The following UTP25 variants were observed in gnomAD, a reference collection of about 807,000 sequenced individuals.
The protein encoded by UTP25 is U3 small nucleolar RNA-associated protein 25 homolog.
UTP25 carries 50 observed loss-of-function variants against 78.9 expected under a neutral mutation model. That is an observed-to-expected ratio of 0.63 (90% CI 0.50 to 0.80). The LOEUF is 0.80. Among genes scored for constraint, UTP25 ranks in the 30% least tolerant of loss-of-function variants. The pLI, the probability that UTP25 is intolerant of heterozygous loss-of-function variation, is 0.00. For missense variants in UTP25, 846 were observed against 911.3 expected (o/e 0.93, Z 0.92); for synonymous variants, 329 against 336.5 (o/e 0.98, Z 0.24).
chr1:209,841,190 A>C, intron 8 of UTP25, 135 bp downstream of exon 8: 1 of 884,424 alleles, frequency 1.1e-6, no homozygotes, highest in East Asian at 2.6e-5. Context: ...CACACTCCAC[A>C]TTTTCTAATT....
In UTP25 at chr1:209,828,401, A is replaced by ATTT. The variant is rs71571917; in HGVS notation, c.107+245_107+247dup. 2.2e-3 allele frequency among the ~76,000 whole-genome samples: 305 copies of ATTT among 136,396 alleles called. 20 individuals are homozygous for ATTT. The highest frequency in any genetic ancestry group is 2.4e-3 in the Non-Finnish European group (156 of 64,552). The allele number at this position is 136,396 out of a possible 152,430, so 89.5% of individuals were successfully genotyped here. ...AGGCACGCCCGTTGTGTGGGGGAGG[A>ATTT]TTTTTTTTTTTTTTTTAAGACGGTG... On this transcript the variant is annotated intron_variant, in intron 1 of 11. Transcript: ENST00000491415.
intron 7 of UTP25, among the ~76,000 whole-genome samples, chr1:209,839,348 A>G (rs1195878700): frequency 6.6e-6 from 1 of 152,194 alleles, no homozygotes; most frequent in Non-Finnish European, 1.5e-5. Context: ...GAGGCCATAT[A>G]TGAAAGGCAC....
At chr1:209,828,290 C>T in intron 1 of UTP25, 120 bp downstream of exon 1, 1 of 759,228 alleles carries the variant, frequency 1.3e-6, no homozygotes, top group Non-Finnish European at 2.1e-6. Context: ...TCCCGCTGTG[C>T]TCGGCCGGGG....
chr1:209,850,154 C>G (rs1161164068), intron 11 of UTP25, among the ~76,000 whole-genome samples: 1 of 152,186 alleles, frequency 6.6e-6, no homozygotes, highest in Non-Finnish European at 1.5e-5. Flanking sequence ...CTGACTTTTT[C>G]TTATTGGTAT....
chr1:209,839,043 TCC>T lies in UTP25; in HGVS notation c.1199_1200del (p.Pro400ArgfsTer11), dbSNP rs1438354157. ...GGTTTCAGGGAGAATATGGATCAGA[TCC>T]CGAGGAGAGACCACCCAACTTGAAG... Reference protein sequence around the residue: ...KRFQGEYGSDPEERPPNLKRP... With the variant: ...KRFQGEYGSDXEERPPNLKRP... On this transcript the variant is annotated frameshift_variant, in exon 7 of 12. Coordinates refer to ENST00000491415, the MANE Select transcript of UTP25 (RefSeq NM_014388.7). LOFTEE classifies it high-confidence loss of function. 7 of 1,614,086 alleles carry T rather than the reference TCC, an allele frequency of 4.3e-6. No homozygotes were observed. The highest frequency in any genetic ancestry group is 5.1e-6 in the Non-Finnish European group (6 of 1,179,980).
rs762391122 is a variant in UTP25, at chr1:209,852,269, T to G, written c.*822T>G. On this transcript the variant is annotated 3_prime_UTR_variant, in exon 12 of 12. Coordinates refer to ENST00000491415, the MANE Select transcript of UTP25 (RefSeq NM_014388.7). ...ACAGAAAAATTCCAAGTACAGAACC[T>G]GAACCATTTGAGAGTGAGTTGCCAA... The G allele has an allele frequency of 2.0e-5, 3 of 152,234 alleles. No homozygotes were observed. The highest frequency in any genetic ancestry group is 4.4e-5 in the Non-Finnish European group (3 of 68,036). 9.4% of individuals were successfully genotyped at this position (152,234 alleles called of 1,614,324 possible).
intron 1 of UTP25, among the ~76,000 whole-genome samples, chr1:209,828,803 C>T (rs781684688): frequency 1.9e-4 from 29 of 149,760 alleles, no homozygotes; most frequent in Non-Finnish European, 4.0e-4. Flanking sequence ...GACAGAGTCT[C>T]GCTTTGTCGC....
intron 1 of UTP25, among the ~76,000 whole-genome samples, chr1:209,828,446 CT>C (rs529916767): frequency 2.5e-3 from 377 of 150,462 alleles, no homozygotes; most frequent in African/African-American, 8.9e-3. Context: ...GTCGCCCAGG[CT>C]GGAGTGCAAT....
rs776054944 is a variant in UTP25, at chr1:209,840,920, T to C, written c.1350T>C (p.Ala450=). The C allele has an allele frequency of 2.5e-6, 4 of 1,613,968 alleles. No homozygotes were observed. Among genetic ancestry groups the C allele is most frequent in the South Asian group, 2.2e-5 (2 of 91,084 alleles). The change falls in exon 8 of 12, where the codon GCT becomes GCC. Residue 450 remains alanine, a synonymous_variant. Coordinates refer to ENST00000491415, the MANE Select transcript of UTP25 (RefSeq NM_014388.7). ...TTTACTCCTCGGATATCCTCATTGC[T>C]TCCCCCCTGGGCTTGAGGACCATCA... ...APFYSSDILI[A]SPLGLRTIIG...
chr1:209,833,127 T>G lies in UTP25; in HGVS notation c.389-58T>G, dbSNP rs898519034. The G allele has an allele frequency of 4.0e-6, 6 of 1,508,656 alleles. No homozygotes were observed. In the African/African-American group the frequency reaches 7.0e-5, roughly 18 times the overall value. 93.5% of individuals were successfully genotyped at this position (1,508,656 alleles called of 1,614,324 possible). On this transcript the variant is annotated intron_variant, in intron 3 of 11. Transcript: ENST00000491415. ...GTATAGCCTAAGGAAATAAATTTTGTCAACAGAAGTATAATTTGTGAGTAA... is the reference window on the plus strand; with the variant it reads ...GTATAGCCTAAGGAAATAAATTTTGGCAACAGAAGTATAATTTGTGAGTAA...
At position 209,842,635 on chromosome 1, in the gene UTP25, A is replaced by G. The variant is rs371893773; in HGVS notation, c.1721A>G (p.Gln574Arg). 6.2e-7 allele frequency: 1 copy of G among 1,613,870 alleles called. No individual in the cohort carries two copies. Among genetic ancestry groups the G allele is most frequent in the Non-Finnish European group, 8.5e-7 (1 of 1,179,920 alleles). ...MTGSISHVLVQLPHVFQRMEA... is the reference protein window; with the variant it reads ...MTGSISHVLVRLPHVFQRMEA... ...GGCTCTATCAGTCATGTCCTGGTGCAGCTCCCACATGTCTTCCAGAGGATG... is the reference window on the plus strand; with the variant it reads ...GGCTCTATCAGTCATGTCCTGGTGCGGCTCCCACATGTCTTCCAGAGGATG... Residue 574 changes from glutamine (Q) to arginine (R), a missense_variant, in exon 10 of 12, where the codon CAG becomes CGG. Coordinates refer to ENST00000491415, the MANE Select transcript of UTP25 (RefSeq NM_014388.7).
rs1027500478 is a variant in UTP25 at position 209,856,997 on chromosome 1, A to C, written c.*5550A>C. 6.6e-6 allele frequency: 1 copy of C among 152,234 alleles called. No individual in the cohort carries two copies. The highest frequency in any genetic ancestry group is 1.5e-5 in the Non-Finnish European group (1 of 68,042). The allele number at this position is 152,234 out of a possible 1,614,324, so 9.4% of individuals were successfully genotyped here. A position where few individuals can be genotyped will look rare whatever the true frequency, so the allele number is the denominator to read the frequency against. On this transcript the variant is annotated 3_prime_UTR_variant, in exon 12 of 12. Transcript: ENST00000491415. ...TTCTAGTGTATGTCAAAGCTAAATTAGGTCAAATAGGAAATAAGTCAGAAT... is the reference window on the plus strand; with the variant it reads ...TTCTAGTGTATGTCAAAGCTAAATTCGGTCAAATAGGAAATAAGTCAGAAT...
At position 209,857,485 on chromosome 1, in the gene UTP25, T is replaced by G. The variant is rs1169345113; in HGVS notation, c.*6038T>G. 1 of 152,216 alleles carries G rather than the reference T, an allele frequency of 6.6e-6. No individual in the cohort carries two copies. The highest frequency in any genetic ancestry group is 2.4e-5 in the African/African-American group (1 of 41,452). The allele number at this position is 152,216 out of a possible 1,614,324, so 9.4% of individuals were successfully genotyped here. A position where few individuals can be genotyped will look rare whatever the true frequency, so the allele number is the denominator to read the frequency against. On this transcript the variant is annotated 3_prime_UTR_variant, in exon 12 of 12. Coordinates refer to ENST00000491415, the MANE Select transcript of UTP25 (RefSeq NM_014388.7). ...TAATGTCTTATGTTTCCTCCCAGAT[T>G]GTTTTCTGCATGAATAATAACCAAC... is the stretch of plus-strand genomic sequence containing the variant.
chr1:209,835,384 T>A (rs2078127477), intron 5 of UTP25, among the ~76,000 whole-genome samples: 1 of 152,156 alleles, frequency 6.6e-6, no homozygotes, highest in South Asian at 2.1e-4. Context: ...AATATAATGA[T>A]GGGTAAGAGT....
chr1:209,831,353 G>A (rs1302218290), intron 3 of UTP25, among the ~76,000 whole-genome samples: 1 of 152,170 alleles, frequency 6.6e-6, no homozygotes, highest in African/African-American at 2.4e-5. Context: ...TTATTGAAGA[G>A]GTTACTGTTC....
rs1373091594 is a variant in UTP25 at position 209,833,165 on chromosome 1, A to G, written c.389-20A>G. ...AATTTGTGAGTAAATAATTTTATAA[A>G]ATGTTTCTCAAAACTGCAGATGTAG... On this transcript the variant is annotated intron_variant, in intron 3 of 11. Transcript: ENST00000491415. 1 of 1,599,026 alleles carries G rather than the reference A, an allele frequency of 6.3e-7. No homozygotes were observed. Among genetic ancestry groups the G allele is most frequent in the East Asian group, 2.3e-5 (1 of 44,008 alleles).
At chr1:209,843,337 T>G (rs1572006098) in intron 10 of UTP25, 114 bp from the exon 11 acceptor site, 1 of 1,300,268 alleles carries the variant, frequency 7.7e-7, no homozygotes, top group East Asian at 2.4e-5. Context: ...CATATTGGCC[T>G]CTGGGGAGGT....
At chr1:209,845,040 T>C (rs1445471070) in intron 11 of UTP25, among the ~76,000 whole-genome samples, 2 of 152,274 alleles carry the variant, frequency 1.3e-5, no homozygotes, top group Non-Finnish European at 2.9e-5. Flanking sequence ...TGATGCACTT[T>C]GGCATTGCAT....
Position 209,840,945 on chromosome 1 carries a change from A to T in UTP25, c.1375A>T (p.Ile459Phe), listed in dbSNP as rs972391953. 6.2e-7 allele frequency: 1 copy of T among 1,614,076 alleles called. No homozygotes were observed. The highest frequency in any genetic ancestry group is 1.3e-5 in the African/African-American group (1 of 75,048). Residue 459 changes from isoleucine to phenylalanine, a missense_variant, in exon 8 of 12, where the codon ATT becomes TTT. Physicochemically the swap from Ile to Phe is conservative, Grantham distance 21. Transcript: ENST00000491415. The part of the protein sequence containing the change: ...IASPLGLRTI[I>F]GGEGEKKRDF... ...TTCCCCCCTGGGCTTGAGGACCATC[A>T]TTGGTGGAGAAGGAGAGAAGAAGAG...
Sources: allele counts gnomAD v4.1 joint callset (sites outside exome capture counted in the v4.1 genomes callset), GRCh38; gene constraint gnomAD v4.1.1; transcripts MANE v1.5; gene names NCBI Gene and HGNC (gene_info 2026-07-23, HGNC 2026-07-21).